XDH: variants seen among roughly 807,000 people sequenced by gnomAD.
XDH encodes xanthine dehydrogenase/oxidase.
A neutral mutation model predicts 156.1 loss-of-function variants in XDH; 138 were observed. The observed-to-expected ratio is 0.88, with a 90% CI of 0.77 to 1.02. The LOEUF (loss-of-function observed/expected upper bound fraction) is 1.02, where lower values mean the gene tolerates loss of function less well. Among genes scored for constraint, XDH ranks in the 50% least tolerant of loss-of-function variants. The pLI is 0.00. For missense variants in XDH, 1,849 were observed against 1,684.9 expected (o/e 1.10, Z -1.71); for synonymous variants, 669 against 625.7 (o/e 1.07, Z -1.03).
intron 1 of XDH, among the ~76,000 whole-genome samples, chr2:31,411,957 A>G (rs949198534): frequency 3.3e-5 from 5 of 150,452 alleles, no homozygotes; most frequent in Admixed American, 1.3e-4. Flanking sequence ...AATGATGAGT[A>G]AGTGAGTGAG....
In XDH at chr2:31,397,425, A is replaced by T. The variant is rs574265795; in HGVS notation, c.495+243T>A. On this transcript the variant is annotated intron_variant, in intron 6 of 35. Transcript: ENST00000379416. ...CACTCTCAGGCGGTGAGCCTCTTCC[A>T]GGAAGCCGGTCTCCAGACCATCACT... is the stretch of plus-strand genomic sequence containing the variant. 2.9e-4 allele frequency among the ~76,000 whole-genome samples: 44 copies of T among 152,328 alleles called. 1 individual carries two copies. In the East Asian group the frequency reaches 8.3e-3, roughly 29 times the overall value.
At chr2:31,360,599 T>C (rs969070076) in intron 24 of XDH, among the ~76,000 whole-genome samples, 4 of 152,234 alleles carry the variant, frequency 2.6e-5, no homozygotes, top group African/African-American at 9.6e-5. Context: ...CTTCCCTTTG[T>C]CCTGCTTATC....
At position 31,354,646 on chromosome 2, in the gene XDH, G is replaced by C. The variant is rs529563076; in HGVS notation, c.2632-4423C>G. ...GAAAAGGCAACAACCAAAATAAATA[G>C]CTTATTGGGTGGATTCAACAGCAGA... On this transcript the variant is annotated intron_variant, in intron 24 of 35. Transcript: ENST00000379416. Among the ~76,000 whole-genome samples the C allele has an allele frequency of 2.0e-5, 3 of 152,192 alleles. No homozygotes were observed. In the East Asian group the frequency reaches 5.8e-4, roughly 29 times the overall value.
At chr2:31,374,683 A>G (rs1686177955) in intron 15 of XDH, among the ~76,000 whole-genome samples, 1 of 152,178 alleles carries the variant, frequency 6.6e-6, no homozygotes, top group Non-Finnish European at 1.5e-5. Flanking sequence ...CTGTCCCTGC[A>G]TCAGTGACAT....
intron 7 of XDH, 147 bp from the exon 8 acceptor site, chr2:31,388,044 G>T (rs1686660645): frequency 9.0e-7 from 1 of 1,116,904 alleles, no homozygotes. Context: ...AGGCAGGAAT[G>T]AGAGAGTCTC....
In XDH at chr2:31,346,785, CCA is replaced by C. The variant is rs1304721511; in HGVS notation, c.3333_3334del (p.Ser1111ArgfsTer24). The C allele has an allele frequency of 3.7e-6, 6 of 1,614,032 alleles. No homozygotes were observed. The highest frequency in any genetic ancestry group is 5.1e-6 in the Non-Finnish European group (6 of 1,180,042). The stretch of plus-strand genomic sequence containing the variant: ...CAGACTTACCCAGTCTTCCCAGGAG[CCA>C]CTGGGATTCTTCTTCTTGTAGGGTT... On this transcript the variant is annotated frameshift_variant, in exon 30 of 36. Coordinates refer to ENST00000379416, the MANE Select transcript of XDH (RefSeq NM_000379.4). LOFTEE classifies it high-confidence loss of function.
intron 1 of XDH, among the ~76,000 whole-genome samples, chr2:31,410,642 G>A (rs1316417472): frequency 6.6e-6 from 1 of 152,154 alleles, no homozygotes; most frequent in Non-Finnish European, 1.5e-5. Context: ...AGAATGCAGT[G>A]AGAAAAACAC....
At position 31,335,285 on chromosome 2, in the gene XDH, G is replaced by C. The variant is rs1289662683; in HGVS notation, c.*673C>G. On this transcript the variant is annotated 3_prime_UTR_variant, in exon 36 of 36. Transcript: ENST00000379416. ...GAATACAAATATTCTCTTCAAAGAG[G>C]AAGGGAAAGAAATCTAGAACATTGT... 6.5e-6 allele frequency: 1 copy of C among 154,186 alleles called. No homozygotes were observed. Among genetic ancestry groups the C allele is most frequent in the Non-Finnish European group, 1.4e-5 (1 of 69,326 alleles). The allele number at this position is 154,186 out of a possible 1,614,324, so 9.6% of individuals were successfully genotyped here.
chr2:31,372,268 G>C lies in XDH; in HGVS notation c.1816C>G (p.Leu606Val). The C allele has an allele frequency of 1.2e-6, 2 of 1,614,256 alleles. No individual in the cohort carries two copies. The highest frequency in any genetic ancestry group is 1.7e-6 in the Non-Finnish European group (2 of 1,180,042). Residue 606 changes from leucine (L) to valine (V), a missense_variant, in exon 17 of 36, where the codon CTC becomes GTC. By Grantham distance (32) the Leu-to-Val change is conservative. Transcript: ENST00000379416. ...DIPRYENELS[L>V]RLVTSTRAHA... The stretch of plus-strand genomic sequence containing the variant: ...GCCCGGGTGCTGGTGACCAGCCGGA[G>C]AGACAGCTCATTCTCGTAGCGAGGA...
chr2:31,353,932 A>T (rs1685558122), intron 24 of XDH, among the ~76,000 whole-genome samples: 3 of 152,100 alleles, frequency 2.0e-5, no homozygotes, highest in African/African-American at 7.2e-5. Flanking sequence ...ATAAGGCTGT[A>T]CCTACACCTT....
At chr2:31,341,183 C>T (rs1558673584) in intron 33 of XDH, 146 bp downstream of exon 33, 1 of 864,620 alleles carries the variant, frequency 1.2e-6, no homozygotes, top group African/African-American at 1.7e-5. Context: ...AATCTAAATT[C>T]TACTTTGGGG....
chr2:31,398,770 G>C (rs1486952314), intron 4 of XDH, 71 bp from the exon 5 acceptor site: 176 of 1,604,406 alleles, frequency 1.1e-4, no homozygotes, highest in Non-Finnish European at 1.3e-4. Context: ...GACTCGACTG[G>C]AGCCAGCACA....
intron 21 of XDH, 64 bp downstream of exon 21, chr2:31,366,806 C>G: frequency 6.2e-7 from 1 of 1,611,986 alleles, no homozygotes; most frequent in Non-Finnish European, 8.5e-7. Context: ...ACATGGCCCT[C>G]CTGGTCTGCT....
chr2:31,387,827 A>T lies in XDH; in HGVS notation c.635T>A (p.Phe212Tyr). 6.3e-7 allele frequency: 1 copy of T among 1,584,602 alleles called. No homozygotes were observed. Among genetic ancestry groups the T allele is most frequent in the Non-Finnish European group, 8.6e-7 (1 of 1,165,588 alleles). ...ATCACCTACCAGCAACTCTGGGGGA[A>T]AAATGGGCTCCTGGGTTGGATCCAG... is the stretch of plus-strand genomic sequence containing the variant. Reference protein sequence around the residue: ...TPLDPTQEPIFPPELLRLKDT... With the variant: ...TPLDPTQEPIYPPELLRLKDT... The change falls in exon 8 of 36, where the codon TTT becomes TAT. Residue 212 changes from phenylalanine to tyrosine, a missense_variant. Physicochemically the swap from Phe to Tyr is conservative, Grantham distance 22. Transcript: ENST00000379416.
At chr2:31,344,485 C>T (rs1218470297) in intron 31 of XDH, among the ~76,000 whole-genome samples, 199 bp downstream of exon 31, 5 of 152,208 alleles carry the variant, frequency 3.3e-5, no homozygotes, top group Non-Finnish European at 7.3e-5. Context: ...ACAGCTGGTG[C>T]TTTTACCCCT....
At position 31,371,975 on chromosome 2, in the gene XDH, C is replaced by T. The variant is rs45622435; in HGVS notation, c.1856+253G>A. On this transcript the variant is annotated intron_variant, in intron 17 of 35. Transcript: ENST00000379416. ...CACGTTGCTTGGCTTCAAATTCCAA[C>T]TCTGCCACTTACCAACTGTGTGGCC... 8.4e-3 allele frequency among the ~76,000 whole-genome samples: 1,284 copies of T among 152,360 alleles called. 12 individuals carry two copies. Among genetic ancestry groups the T allele is most frequent in the South Asian group, 0.028 (136 of 4,832 alleles).
At chr2:31,380,946 T>C (rs1046723005) in intron 12 of XDH, among the ~76,000 whole-genome samples, 7 of 152,194 alleles carry the variant, frequency 4.6e-5, no homozygotes, top group African/African-American at 1.7e-4. Flanking sequence ...GAGTATTTAT[T>C]CCTTTTGTTT....
chr2:31,386,311 G>A, intron 9 of XDH, 103 bp downstream of exon 9: 3 of 1,498,082 alleles, frequency 2.0e-6, no homozygotes, highest in East Asian at 2.3e-5. Context: ...GAGGGATAGG[G>A]TGCAGAGGCA....
intron 14 of XDH, 56 bp downstream of exon 14, chr2:31,376,994 AATG>A (rs1268365837): frequency 6.3e-7 from 1 of 1,598,594 alleles, no homozygotes; most frequent in Non-Finnish European, 8.6e-7. Context: ...CAGCAGTAAC[AATG>A]ATACTATTAG....
Sources: allele counts gnomAD v4.1 joint callset (sites outside exome capture counted in the v4.1 genomes callset), GRCh38; gene constraint gnomAD v4.1.1; transcripts MANE v1.5; gene names NCBI Gene and HGNC (gene_info 2026-07-23, HGNC 2026-07-21).